R3HDM1: variants seen among roughly 807,000 people sequenced by gnomAD.
The protein encoded by R3HDM1 is R3H domain containing 1.
Under a neutral mutation model 141.1 loss-of-function variants are expected in R3HDM1, and 46 were observed. The observed-to-expected ratio is 0.33, with a 90% CI of 0.26 to 0.42. The LOEUF (loss-of-function observed/expected upper bound fraction) is 0.42, where lower values mean the gene tolerates loss of function less well. R3HDM1 is among the 10% of genes least tolerant of loss of function. The pLI is 1.00. For synonymous variants in R3HDM1, 435 were observed against 472.9 expected, an observed-to-expected ratio of 0.92 and a Z score of 1.04; for missense variants, 1,184 against 1,368.3, an observed-to-expected ratio of 0.87 and a Z score of 2.12.
intron 19 of R3HDM1, chr2:135,670,148 A>C (rs1389789946): frequency 3.2e-6 from 1 of 308,320 alleles, no homozygotes; most frequent in African/African-American, 2.3e-5. Context: ...CAAAAAAAAA[A>C]AAAAAAAAAA....
At chr2:135,682,998 A>G (rs562947061) in intron 21 of R3HDM1, among the ~76,000 whole-genome samples, 1 of 152,256 alleles carries the variant, frequency 6.6e-6, no homozygotes, top group Non-Finnish European at 1.5e-5. Context: ...CTCTGCCTCA[A>G]AAAAATAAAA....
intron 1 of R3HDM1, among the ~76,000 whole-genome samples, chr2:135,557,953 C>T (rs1390740705): frequency 6.6e-6 from 1 of 152,208 alleles, no homozygotes; most frequent in Non-Finnish European, 1.5e-5. Context: ...TACATTAAAA[C>T]TATGTAATTC....
In R3HDM1 at chr2:135,724,610, T is replaced by C. The variant is rs3739027; in HGVS notation, c.*318T>C. 0.012 allele frequency: 2,561 copies of C among 214,396 alleles called. 167 individuals are homozygous for C. The East Asian group carries it at 0.18, about 15-fold the overall frequency. The allele number at this position is 214,396 out of a possible 1,614,324, so 13.3% of individuals were successfully genotyped here. On this transcript the variant is annotated 3_prime_UTR_variant, in exon 27 of 27. Coordinates refer to ENST00000683871, the MANE Select transcript of R3HDM1 (RefSeq NM_001378107.1). ...TTGTATCAGATCCAAAGCTCTATTG[T>C]ACAGCAAATTATTCTTCAAAATGAT...
intron 16 of R3HDM1, among the ~76,000 whole-genome samples, chr2:135,646,566 G>T (rs1000519247): frequency 7.9e-5 from 12 of 151,696 alleles, no homozygotes; most frequent in Non-Finnish European, 1.6e-4. Flanking sequence ...AAGTATGATG[G>T]GCCTGGCGCG....
intron 3 of R3HDM1, among the ~76,000 whole-genome samples, chr2:135,609,838 C>A (rs1027707091): frequency 6.6e-6 from 1 of 152,032 alleles, no homozygotes; most frequent in Non-Finnish European, 1.5e-5. Context: ...AGCTCGAATT[C>A]AAGACCAGCC....
chr2:135,680,030 A>G (rs1266885556), intron 20 of R3HDM1, 143 bp from the exon 21 acceptor site: 1 of 819,738 alleles, frequency 1.2e-6, no homozygotes. Context: ...CAGTGAGCCA[A>G]GATTGCACCA....
chr2:135,639,818 C>T (rs982661986), intron 14 of R3HDM1, among the ~76,000 whole-genome samples: 3 of 152,090 alleles, frequency 2.0e-5, no homozygotes, highest in African/African-American at 7.2e-5. Context: ...TTTCCCTGTC[C>T]GGGCGCAGTG....
At chr2:135,702,217 G>GAA (rs35183953) in intron 21 of R3HDM1, among the ~76,000 whole-genome samples, 24,479 of 117,472 alleles carry the variant, frequency 0.21, 3,289 homozygotes, top group East Asian at 0.44. Context: ...GTCTCAGGGG[G>GAA]AAAAAAAAAA....
intron 1 of R3HDM1, among the ~76,000 whole-genome samples, chr2:135,583,449 G>A (rs556315924): frequency 6.6e-6 from 1 of 152,232 alleles, no homozygotes; most frequent in Non-Finnish European, 1.5e-5. Flanking sequence ...CTTGATTAAG[G>A]TAGAGTCTGC....
At chr2:135,563,308 T>A (rs1464224862) in intron 1 of R3HDM1, among the ~76,000 whole-genome samples, 1 of 152,220 alleles carries the variant, frequency 6.6e-6, no homozygotes, top group Non-Finnish European at 1.5e-5. Context: ...AAGAAAAATC[T>A]TCTTTTTTCT....
At chr2:135,531,657 C>A (rs1214644389) in intron 1 of R3HDM1, 24 bp downstream of exon 1, 4 of 986,142 alleles carry the variant, frequency 4.1e-6, no homozygotes, top group African/African-American at 1.7e-5. Flanking sequence ...TTCCCTCCCC[C>A]GTCCAGCTCC....
Position 135,709,295 on chromosome 2 carries a change from G to A in R3HDM1, c.2460-138G>A, listed in dbSNP as rs373218396. 1.9e-4 allele frequency: 220 copies of A among 1,130,068 alleles called. No homozygotes were observed. In the African/African-American group the frequency reaches 3.0e-3, roughly 15 times the overall value. The allele number at this position is 1,130,068 out of a possible 1,614,324, so 70.0% of individuals were successfully genotyped here. On this transcript the variant is annotated intron_variant, in intron 21 of 26. Transcript: ENST00000683871. The stretch of plus-strand genomic sequence containing the variant: ...TCACCGTATTAGCCAGGATGTTCTC[G>A]ATCTCCTGACCTCGTGATCCGCCCG...
chr2:135,583,637 T>C, intron 1 of R3HDM1: 3 of 719,282 alleles, frequency 4.2e-6, no homozygotes, highest in Non-Finnish European at 5.1e-6. Context: ...TTAAATTTCT[T>C]TTAAAAATTG....
Position 135,604,875 on chromosome 2 carries a change from A to C in R3HDM1, c.30A>C (p.Lys10Asn). Residue 10 changes from lysine (K) to asparagine (N), a missense_variant, in exon 3 of 27, where the codon AAA becomes AAC. Lys to Asn is a moderately conservative substitution (Grantham distance 94, BLOSUM62 0). Around this residue, in one of 5 missense-constraint regions of R3HDM1, gnomAD observed 192 missense variants for 215.7 expected, o/e 0.89. Transcript: ENST00000683871. ...GGATGTCTGATACTGTTACTGTAAA[A>C]GATGAAACTGCAACAATGAAGGATT... MRMSDTVTV[K>N]DETATMKDLE... The C allele has an allele frequency of 1.2e-6, 2 of 1,611,998 alleles. No individual in the cohort carries two copies. The highest frequency in any genetic ancestry group is 1.7e-6 in the Non-Finnish European group (2 of 1,178,476).
At chr2:135,586,713 A>G in intron 1 of R3HDM1, 1 of 985,362 alleles carries the variant, frequency 1.0e-6, no homozygotes. Flanking sequence ...AGAGTCATTT[A>G]CTTCTCAGCT....
chr2:135,602,606 C>A lies in R3HDM1; in HGVS notation c.-143C>A. The stretch of plus-strand genomic sequence containing the variant: ...TCCTCCTGCCAGATTACAGATGGTT[C>A]ACTACAGTTGACATCCTGGCTGACA... On this transcript the variant is annotated 5_prime_UTR_variant, in exon 2 of 27. Coordinates refer to ENST00000683871, the MANE Select transcript of R3HDM1 (RefSeq NM_001378107.1). 1 of 1,544,776 alleles carries A rather than the reference C, an allele frequency of 6.5e-7. No homozygotes were observed. The highest frequency in any genetic ancestry group is 8.7e-7 in the Non-Finnish European group (1 of 1,145,262).
chr2:135,619,021 CA>C (rs34537777), intron 5 of R3HDM1, among the ~76,000 whole-genome samples: 24,006 of 112,246 alleles, frequency 0.21, 2,601 homozygotes, highest in South Asian at 0.38. Context: ...ACTCTTATCT[CA>C]AAAAAAAAAA....
At chr2:135,653,187 C>A (rs917337221) in intron 18 of R3HDM1, among the ~76,000 whole-genome samples, 7 of 152,060 alleles carry the variant, frequency 4.6e-5, no homozygotes, top group Admixed American at 2.6e-4. Context: ...GAAACCCCTT[C>A]TCTACTGAAA....
intron 16 of R3HDM1, among the ~76,000 whole-genome samples, chr2:135,645,782 A>G (rs2064333168): frequency 6.6e-6 from 1 of 152,204 alleles, no homozygotes. Context: ...TTTTATCCCT[A>G]TTTCACAACA....
Sources: allele counts gnomAD v4.1 joint callset (sites outside exome capture counted in the v4.1 genomes callset), GRCh38; gene constraint gnomAD v4.1.1; regional missense constraint gnomAD v4.1.1; transcripts MANE v1.5; gene names NCBI Gene and HGNC (gene_info 2026-07-23, HGNC 2026-07-21).